Variants in TBC1D9 observed in about 807,000 individuals in gnomAD.
The protein encoded by TBC1D9 is TBC1 domain family member 9.
TBC1D9 carries 63 observed loss-of-function variants against 132.0 expected under a neutral mutation model. The ratio of observed to expected loss-of-function variants is 0.48; its 90% CI spans 0.39 to 0.59. The LOEUF (loss-of-function observed/expected upper bound fraction) is 0.59. Ranked by LOEUF, TBC1D9 falls within the 20% of genes least tolerant of loss-of-function variation. The pLI is 0.00. For missense variants in TBC1D9, 1,261 were observed against 1,592.7 expected, an observed-to-expected ratio of 0.79 and a Z score of 3.54; for synonymous variants, 610 against 609.9, an observed-to-expected ratio of 1.00 and a Z score of 0.00.
chr4:140,669,047 C>T lies in TBC1D9; in HGVS notation c.1458G>A (p.Glu486=). The T allele has an allele frequency of 6.2e-7, 1 of 1,614,018 alleles. No individual in the cohort carries two copies. The highest frequency in any genetic ancestry group is 2.2e-5 in the East Asian group (1 of 44,880). The change falls in exon 9 of 21, where the codon GAG becomes GAA. Residue 486 remains glutamate (E), a synonymous_variant. Coordinates refer to ENST00000442267, the MANE Select transcript of TBC1D9 (RefSeq NM_015130.3). Reference sequence around the variant, plus strand: ...CAGCAAAGTGAATCTTCCAGGCTTGCTCTTTCAGAAACTCTTTGGCCTGAA... The same window carrying T: ...CAGCAAAGTGAATCTTCCAGGCTTGTTCTTTCAGAAACTCTTTGGCCTGAA... ...NPKLAKEFLK[E]QAWKIHFAEY...
chr4:140,675,361 A>T (rs957364453), intron 6 of TBC1D9, among the ~76,000 whole-genome samples: 9 of 152,176 alleles, frequency 5.9e-5, no homozygotes, highest in Middle Eastern at 3.2e-3. Flanking sequence ...TGCTAAAGGG[A>T]TGTTAGCAAG....
intron 3 of TBC1D9, 38 bp downstream of exon 3, chr4:140,686,306 T>C (rs1290982929): frequency 8.2e-7 from 1 of 1,220,738 alleles, no homozygotes; most frequent in Non-Finnish European, 1.2e-6. Flanking sequence ...AAATTTGAAA[T>C]TATTTCCAAT....
chr4:140,737,978 G>T (rs1216738239), intron 1 of TBC1D9, among the ~76,000 whole-genome samples: 1 of 152,136 alleles, frequency 6.6e-6, no homozygotes, highest in Non-Finnish European at 1.5e-5. Flanking sequence ...TTCAAGTACT[G>T]CTAAAAGAAA....
intron 6 of TBC1D9, among the ~76,000 whole-genome samples, chr4:140,672,375 C>T (rs1737551815): frequency 6.6e-6 from 1 of 151,794 alleles, no homozygotes. Context: ...ACCTCCTTTT[C>T]CTGAAAAGAA....
chr4:140,623,227 C>T (rs1485223707), intron 20 of TBC1D9, among the ~76,000 whole-genome samples: 1 of 152,120 alleles, frequency 6.6e-6, no homozygotes, highest in African/African-American at 2.4e-5. Context: ...CACCACTATA[C>T]TCTGCTAATC....
At chr4:140,720,826 C>A (rs1738412074) in intron 1 of TBC1D9, among the ~76,000 whole-genome samples, 1 of 152,222 alleles carries the variant, frequency 6.6e-6, no homozygotes, top group Admixed American at 6.5e-5. Flanking sequence ...CCAGCCTCAG[C>A]AGGTTTAATA....
In TBC1D9 at chr4:140,621,691, A is replaced by G. The variant is rs1736616352; in HGVS notation, c.*504T>C. ...ATGAAATATATTTCAAATCTTAAAA[A>G]TATTTTTAATACTTCCTAAAGTGGT... is the stretch of plus-strand genomic sequence containing the variant. On this transcript the variant is annotated 3_prime_UTR_variant, in exon 21 of 21. Coordinates refer to ENST00000442267, the MANE Select transcript of TBC1D9 (RefSeq NM_015130.3). 6.6e-6 allele frequency: 1 copy of G among 152,264 alleles called. No homozygotes were observed. Among genetic ancestry groups the G allele is most frequent in the Non-Finnish European group, 1.5e-5 (1 of 68,070 alleles). The allele number at this position is 152,264 out of a possible 1,614,324, so 9.4% of individuals were successfully genotyped here.
intron 1 of TBC1D9, among the ~76,000 whole-genome samples, chr4:140,724,963 G>A (rs879512564): frequency 1.3e-5 from 2 of 152,126 alleles, no homozygotes; most frequent in African/African-American, 2.4e-5. Flanking sequence ...GTTTGTGAGC[G>A]TGCAACTTGG....
chr4:140,713,167 G>A (rs1738277424), intron 1 of TBC1D9, among the ~76,000 whole-genome samples: 1 of 151,962 alleles, frequency 6.6e-6, no homozygotes, highest in Admixed American at 6.6e-5. Flanking sequence ...ACAACTCCTG[G>A]GCTCAAGGGA....
chr4:140,727,466 G>T (rs1738519155), intron 1 of TBC1D9, among the ~76,000 whole-genome samples: 1 of 152,182 alleles, frequency 6.6e-6, no homozygotes, highest in South Asian at 2.1e-4. Context: ...ACCACCTATG[G>T]CCTAGGATGG....
intron 16 of TBC1D9, 36 bp from the exon 17 acceptor site, chr4:140,628,401 A>T: frequency 6.4e-7 from 1 of 1,562,352 alleles, no homozygotes; most frequent in Non-Finnish European, 8.8e-7. Flanking sequence ...GAAATGCATC[A>T]CATGTGCTAA....
chr4:140,661,104 C>G, intron 10 of TBC1D9, among the ~76,000 whole-genome samples: 1 of 152,198 alleles, frequency 6.6e-6, no homozygotes, highest in African/African-American at 2.4e-5. Flanking sequence ...TTAGTAGAGA[C>G]GGTGTTTCAC....
chr4:140,630,884 T>C (rs1462405001), intron 16 of TBC1D9, among the ~76,000 whole-genome samples: 1 of 152,202 alleles, frequency 6.6e-6, no homozygotes, highest in Non-Finnish European at 1.5e-5. Flanking sequence ...GACACACTTC[T>C]AGAACTTTAC....
chr4:140,635,909 C>G (rs1320122869), intron 15 of TBC1D9, among the ~76,000 whole-genome samples: 1 of 152,106 alleles, frequency 6.6e-6, no homozygotes, highest in Non-Finnish European at 1.5e-5. Context: ...GTACTCTGAA[C>G]GAGCATGAGT....
Position 140,686,353 on chromosome 4 carries a change from T to C in TBC1D9, c.351A>G (p.Gly117=), listed in dbSNP as rs748497750. 15 of 1,565,650 alleles carry C rather than the reference T, an allele frequency of 9.6e-6. No individual in the cohort carries two copies. The highest frequency in any genetic ancestry group is 1.7e-4 in the Middle Eastern group (1 of 5,954). The part of the protein sequence containing the change: ...NENDITTFVR[G]KIQGIIAEYN... ...TCTTTTATCCCACTACCTGTATTTTTCCTCTCACAAATGTGGTGATATCAT... is the reference window on the plus strand; with the variant it reads ...TCTTTTATCCCACTACCTGTATTTTCCCTCTCACAAATGTGGTGATATCAT... The change falls in exon 3 of 21, where the codon GGA becomes GGG. Residue 117 remains glycine, a synonymous_variant. Coordinates refer to ENST00000442267, the MANE Select transcript of TBC1D9 (RefSeq NM_015130.3).
chr4:140,643,590 G>T lies in TBC1D9; in HGVS notation c.2338-4162C>A. On this transcript the variant is annotated intron_variant, in intron 13 of 20. Transcript: ENST00000442267. ...CTGGGGCTCGCTCAGGGCCGCCTGG[G>T]CCAGGCCTTCCTCCGGCGCTGCCTC... 3.3e-6 allele frequency: 3 copies of T among 903,274 alleles called. No individual in the cohort carries two copies. In the South Asian group the frequency reaches 4.9e-5, roughly 15 times the overall value. 56.0% of individuals were successfully genotyped at this position (903,274 alleles called of 1,614,324 possible).
At chr4:140,662,992 T>C (rs533287314) in intron 9 of TBC1D9, among the ~76,000 whole-genome samples, 4 of 152,324 alleles carry the variant, frequency 2.6e-5, no homozygotes, top group Admixed American at 6.5e-5. Flanking sequence ...TTGACACTGA[T>C]ATGGCAATTA....
At chr4:140,712,336 G>C (rs1738257017) in intron 1 of TBC1D9, 1 of 149,146 alleles carries the variant, frequency 6.7e-6, no homozygotes, top group Non-Finnish European at 1.5e-5. Context: ...GCAGGCACTT[G>C]ATGTTTAATA....
chr4:140,729,646 C>T (rs367565372), intron 1 of TBC1D9, among the ~76,000 whole-genome samples: 5 of 151,792 alleles, frequency 3.3e-5, no homozygotes, highest in African/African-American at 7.3e-5. Context: ...GGTGAAACTC[C>T]GTCTCTACTA....
Sources: gnomAD v4.1 joint callset for allele counts (sites outside exome capture counted in the v4.1 genomes callset) on GRCh38, gnomAD v4.1.1 for gene constraint, MANE v1.5 for transcripts, NCBI Gene and HGNC (gene_info 2026-07-23, HGNC 2026-07-21) for gene names.